Variants in CAMTA1 observed in about 807,000 individuals in gnomAD.
CAMTA1 encodes the protein calmodulin binding transcription activator 1, also known as calmodulin-binding transcription activator 1.
CAMTA1 carries 27 observed loss-of-function variants against 170.9 expected under a neutral mutation model. The observed-to-expected ratio is 0.16, with a 90% CI of 0.12 to 0.22. The LOEUF (loss-of-function observed/expected upper bound fraction) is 0.22. Among genes scored for constraint, CAMTA1 ranks in the 10% least tolerant of loss-of-function variants. CAMTA1 has a pLI of 1.00. For synonymous variants in CAMTA1, 833 were observed against 891.5 expected (o/e 0.93, Z 1.17); for missense variants, 1,619 against 2,217.2 (o/e 0.73, Z 5.42).
At chr1:7,479,734 C>T (rs770263193) in intron 6 of CAMTA1, among the ~76,000 whole-genome samples, 21 of 152,198 alleles carry the variant, frequency 1.4e-4, no homozygotes, top group Non-Finnish European at 7.3e-5. Context: ...AGCCATCCTG[C>T]CTCATGTCTT....
intron 22 of CAMTA1, among the ~76,000 whole-genome samples, chr1:7,764,955 G>A (rs1054644270): frequency 2.0e-5 from 3 of 149,514 alleles, no homozygotes; most frequent in Non-Finnish European, 4.4e-5. Flanking sequence ...GTTAGACTCC[G>A]TCTCAAAAAA....
chr1:7,110,551 G>T (rs1186897242), intron 4 of CAMTA1, among the ~76,000 whole-genome samples: 1 of 152,248 alleles, frequency 6.6e-6, no homozygotes, highest in East Asian at 1.9e-4. Flanking sequence ...TGCTACGGGG[G>T]AGAGTGAGTG....
rs950938670 is a variant in CAMTA1 at position 6,912,274 on chromosome 1, C to T, written c.234+87064C>T. 6.6e-5 allele frequency among the ~76,000 whole-genome samples: 10 copies of T among 152,190 alleles called. 1 individual carries two copies. The highest frequency in any genetic ancestry group is 1.9e-4 in the African/African-American group (8 of 41,450). ...TAGCTGTAACCCTGAAGGTCAAGTT[C>T]TTTCCAACTGGCTGCTTCAGGATGC... On this transcript the variant is annotated intron_variant, in intron 3 of 22. Transcript: ENST00000303635.
At position 6,918,815 on chromosome 1, in the gene CAMTA1, G is replaced by A. The variant is rs770109004; in HGVS notation, c.234+93605G>A. On this transcript the variant is annotated intron_variant, in intron 3 of 22. Coordinates refer to ENST00000303635, the MANE Select transcript of CAMTA1 (RefSeq NM_015215.4). This position sits in a 1 kb window ranked among gnomAD's most constrained non-coding sequence, Gnocchi z 4.0. Reference sequence around the variant, plus strand: ...CAGCCTGTCACCCTGTGGCTGGAGGGTGGCTTGCTGCCACTTGATGCAGAG... The same window carrying A: ...CAGCCTGTCACCCTGTGGCTGGAGGATGGCTTGCTGCCACTTGATGCAGAG... Among the ~76,000 whole-genome samples, 39 of 152,178 alleles carry A rather than the reference G, an allele frequency of 2.6e-4. No individual in the cohort carries two copies. Among genetic ancestry groups the A allele is most frequent in the Non-Finnish European group, 4.9e-4 (33 of 68,036 alleles).
intron 4 of CAMTA1, among the ~76,000 whole-genome samples, chr1:7,132,769 G>A (rs1020332435): frequency 3.9e-5 from 6 of 152,100 alleles, no homozygotes; most frequent in African/African-American, 1.4e-4. Flanking sequence ...AATACTATCA[G>A]CTAGACTAAA....
In CAMTA1 at chr1:7,175,498, G is replaced by A. The variant is rs117330882; in HGVS notation, c.303-73993G>A. ...CATACCTTCAGCAGAAAGGCACCCC[G>A]CCAAATGCTCTATGTGTTGTATTAA... On this transcript the variant is annotated intron_variant, in intron 4 of 22. Transcript: ENST00000303635. Among the ~76,000 whole-genome samples, 106 of 152,300 alleles carry A rather than the reference G, an allele frequency of 7.0e-4. 3 individuals carry two copies. The East Asian group carries it at 0.015, about 22-fold the overall frequency.
chr1:7,747,222 G>A (rs1004077245), intron 18 of CAMTA1, among the ~76,000 whole-genome samples: 3 of 152,154 alleles, frequency 2.0e-5, no homozygotes, highest in Non-Finnish European at 4.4e-5. Flanking sequence ...CTGGAGGCCT[G>A]GGGGCTGACT....
chr1:7,440,675 G>T, intron 5 of CAMTA1, among the ~76,000 whole-genome samples: 1 of 152,192 alleles, frequency 6.6e-6, no homozygotes, highest in East Asian at 1.9e-4. Flanking sequence ...GCACCTGGAA[G>T]CTGCGGTCTG....
At chr1:7,582,704 A>C (rs1487822230) in intron 6 of CAMTA1, among the ~76,000 whole-genome samples, 2 of 152,004 alleles carry the variant, frequency 1.3e-5, no homozygotes, top group African/African-American at 2.4e-5. Context: ...CCTTTTAAGA[A>C]CACTTCCTGG....
intron 3 of CAMTA1, among the ~76,000 whole-genome samples, chr1:6,860,949 G>A (rs1664444201): frequency 6.7e-6 from 1 of 150,036 alleles, no homozygotes. Flanking sequence ...ACTGTCAGAA[G>A]TGGAGTGTGA....
intron 5 of CAMTA1, among the ~76,000 whole-genome samples, chr1:7,273,191 A>G (rs959019641): frequency 2.0e-5 from 3 of 152,224 alleles, no homozygotes; most frequent in Non-Finnish European, 2.9e-5. Flanking sequence ...ACATTCTGGC[A>G]GTTCCTCAGA....
intron 4 of CAMTA1, among the ~76,000 whole-genome samples, chr1:7,104,048 AC>A (rs1030433048): frequency 1.3e-5 from 2 of 150,732 alleles, no homozygotes; most frequent in Non-Finnish European, 3.0e-5. Context: ...TACAACACAC[AC>A]AACTACACAG....
At position 7,368,211 on chromosome 1, in the gene CAMTA1, G is replaced by T. The variant is rs1482344933; in HGVS notation, c.439-99619G>T. Among the ~76,000 whole-genome samples the T allele has an allele frequency of 1.2e-4, 18 of 150,284 alleles. No individual in the cohort carries two copies. The South Asian group carries it at 3.6e-3, about 30-fold the overall frequency. ...TTGGGCACAGACACTGGGCACTCAT[G>T]GTTTCATTGGGTGCAGGCACTGGGC... On this transcript the variant is annotated intron_variant, in intron 5 of 22. Transcript: ENST00000303635.
In CAMTA1 at chr1:7,092,649, A is replaced by T. The variant is rs951922473; in HGVS notation, c.302+1278A>T. On this transcript the variant is annotated intron_variant, in intron 4 of 22. Transcript: ENST00000303635. This position sits in a 1 kb window ranked among gnomAD's most constrained non-coding sequence, Gnocchi z 5.0. The stretch of plus-strand genomic sequence containing the variant: ...TTTGCTATAAAATCAAATAATTTAT[A>T]TCAGTCAGCTTTTGCTGTGATAATT... Among the ~76,000 whole-genome samples the T allele has an allele frequency of 5.9e-5, 9 of 152,248 alleles. No homozygotes were observed. Among genetic ancestry groups the T allele is most frequent in the African/African-American group, 2.2e-4 (9 of 41,462 alleles).
chr1:7,528,082 C>G (rs920294749), intron 6 of CAMTA1, among the ~76,000 whole-genome samples: 1 of 152,204 alleles, frequency 6.6e-6, no homozygotes, highest in Non-Finnish European at 1.5e-5. Flanking sequence ...GACAAAGGTG[C>G]CTGTGGCTCT....
chr1:7,303,340 A>G (rs1675076793), intron 5 of CAMTA1, among the ~76,000 whole-genome samples: 1 of 152,194 alleles, frequency 6.6e-6, no homozygotes, highest in Non-Finnish European at 1.5e-5. Context: ...TATCAAAAAC[A>G]ATCTGTTATA....
chr1:7,332,811 G>A (rs2083115391), intron 5 of CAMTA1, among the ~76,000 whole-genome samples: 1 of 151,984 alleles, frequency 6.6e-6, no homozygotes, highest in Non-Finnish European at 1.5e-5. Flanking sequence ...ATAGAAATGA[G>A]CACACACCCG....
At chr1:7,295,724 G>A (rs145647890) in intron 5 of CAMTA1, among the ~76,000 whole-genome samples, 4 of 152,108 alleles carry the variant, frequency 2.6e-5, no homozygotes, top group South Asian at 2.1e-4. Flanking sequence ...AAATATCCAC[G>A]CCCTTGTCAC....
At chr1:6,919,210 A>G (rs1040246516) in intron 3 of CAMTA1, among the ~76,000 whole-genome samples, 2 of 152,230 alleles carry the variant, frequency 1.3e-5, no homozygotes, top group African/African-American at 4.8e-5. Flanking sequence ...TTTTTTGCTC[A>G]GGTTTGAAGG....
Sources: allele counts gnomAD v4.1 joint callset (sites outside exome capture counted in the v4.1 genomes callset), GRCh38; gene constraint gnomAD v4.1.1; non-coding constraint Gnocchi (gnomAD v3.1); transcripts MANE v1.5; gene names NCBI Gene and HGNC (gene_info 2026-07-23, HGNC 2026-07-21).